USP42: variants seen among roughly 807,000 people sequenced by gnomAD.
The protein encoded by USP42 is ubiquitin specific peptidase 42, also known as ubiquitin carboxyl-terminal hydrolase 42.
USP42 carries 23 observed loss-of-function variants against 113.0 expected under a neutral mutation model. That is an observed-to-expected ratio of 0.20 (90% CI 0.15 to 0.29). The LOEUF is 0.29. USP42 is among the 10% of genes least tolerant of loss of function. The pLI, the probability that USP42 is intolerant of heterozygous loss-of-function variation, is 1.00. For missense variants in USP42, 2,174 were observed against 1,779.8 expected (o/e 1.22, Z -3.99); for synonymous variants, 933 against 699.0 (o/e 1.33, Z -5.28).
intron 12 of USP42, among the ~76,000 whole-genome samples, chr7:6,148,473 A>G (rs947906776): frequency 7.2e-5 from 11 of 152,338 alleles, no homozygotes; most frequent in African/African-American, 2.4e-4. Context: ...TCAAAGGGTT[A>G]AACACTTGGA....
At chr7:6,105,989 A>T (rs1779258108) in intron 1 of USP42, among the ~76,000 whole-genome samples, 1 of 152,214 alleles carries the variant, frequency 6.6e-6, no homozygotes, top group African/African-American at 2.4e-5. Flanking sequence ...GTAACCACAG[A>T]ATCCTAGGTT....
the USP42 span, among the ~76,000 whole-genome samples, chr7:6,089,917 C>G: frequency 3.4e-4 from 51 of 151,058 alleles, 4 homozygotes; most frequent in African/African-American, 1.2e-3. Flanking sequence ...GCCAATGTGG[C>G]TTGAACCCGG....
rs527496472 is a variant in USP42, at chr7:6,139,299, A to G, written c.656+105A>G. 4.5e-6 allele frequency: 4 copies of G among 888,808 alleles called. No homozygotes were observed. The East Asian group carries it at 8.4e-5, about 19-fold the overall frequency. 55.1% of individuals were successfully genotyped at this position (888,808 alleles called of 1,614,324 possible). On this transcript the variant is annotated intron_variant, in intron 5 of 17. Transcript: ENST00000306177. The surrounding 1 kb of genome is among the most constrained non-coding windows in gnomAD (Gnocchi z 4.5). ...CTTTTTTGTTGGAAGCACACAGAACAGTGTTCACTTTACCTTTTGGCTTTG... is the reference window on the plus strand; with the variant it reads ...CTTTTTTGTTGGAAGCACACAGAACGGTGTTCACTTTACCTTTTGGCTTTG...
chr7:6,155,051 G>T lies in USP42; in HGVS notation c.3497G>T (p.Ser1166Ile). The change falls in exon 15 of 18, where the codon AGT (serine) becomes ATT (isoleucine). Residue 1166 changes from serine (S) to isoleucine (I), a missense_variant. Transcript: ENST00000306177. ...AAGTCCCGGAAACGGAGACACGACA[G>T]TGTGGAGAACAGTGACAGTCATGTT... ...NGKSRKRRHD[S>I]VENSDSHVEK... 9.0e-6 allele frequency: 14 copies of T among 1,563,480 alleles called. No homozygotes were observed. The highest frequency in any genetic ancestry group is 1.0e-5 in the Non-Finnish European group (12 of 1,153,874).
At chr7:6,092,579 G>C in the USP42 span, among the ~76,000 whole-genome samples, 1 of 151,392 alleles carries the variant, frequency 6.6e-6, no homozygotes, top group African/African-American at 2.5e-5. Flanking sequence ...TTCCTCATTT[G>C]AGGCATCATG....
chr7:6,120,705 T>A (rs577825081), intron 3 of USP42, among the ~76,000 whole-genome samples: 1 of 152,144 alleles, frequency 6.6e-6, no homozygotes, highest in South Asian at 2.1e-4. Flanking sequence ...TGCTTCAGCC[T>A]CATGGGTAGC....
Position 6,110,478 on chromosome 7 carries a change from C to G in USP42, c.-9-647C>G, listed in dbSNP as rs542755599. 4.6e-5 allele frequency among the ~76,000 whole-genome samples: 7 copies of G among 152,212 alleles called. No individual in the cohort carries two copies. In the East Asian group the frequency reaches 5.8e-4, roughly 13 times the overall value. ...AAATTATAATCAAGTCCTTTCATAA[C>G]AGATATTTGTGTTTGAGTTTGATAT... On this transcript the variant is annotated intron_variant, in intron 1 of 17. Coordinates refer to ENST00000306177, the MANE Select transcript of USP42 (RefSeq NM_032172.3).
In USP42 at chr7:6,154,841, A is replaced by G. The variant is rs1300754089; in HGVS notation, c.3287A>G (p.His1096Arg). Reference protein sequence around the residue: ...AGLHERPHKDHNRGRRGCEPA... With the variant: ...AGLHERPHKDRNRGRRGCEPA... ...CTGCACGAGCGGCCGCACAAGGACC[A>G]CAACCGGGGCCGTAGGGGCTGCGAG... The change falls in exon 15 of 18, where the codon CAC (histidine) becomes CGC (arginine). Residue 1096 changes from histidine (H) to arginine (R), a missense_variant. By Grantham distance (29) the His-to-Arg change is conservative. Transcript: ENST00000306177. 2 of 1,539,636 alleles carry G rather than the reference A, an allele frequency of 1.3e-6. No individual in the cohort carries two copies. The highest frequency in any genetic ancestry group is 2.5e-5 in the East Asian group (1 of 40,178).
rs761512501 is a variant in USP42, at chr7:6,115,261, C to A, written c.242-62C>A. The stretch of plus-strand genomic sequence containing the variant: ...AAGATTGAGGTTTGACCAGGTGTTA[C>A]TATTTATTTAGCTTCAGTATGCAAA... On this transcript the variant is annotated intron_variant, in intron 2 of 17. Coordinates refer to ENST00000306177, the MANE Select transcript of USP42 (RefSeq NM_032172.3). 23 of 1,527,374 alleles carry A rather than the reference C, an allele frequency of 1.5e-5. No individual in the cohort carries two copies. The South Asian group carries it at 2.2e-4, about 15-fold the overall frequency. 94.6% of individuals were successfully genotyped at this position (1,527,374 alleles called of 1,614,324 possible).
chr7:6,145,434 G>A (rs966898038), intron 9 of USP42, 82 bp from the exon 10 acceptor site: 1 of 1,553,544 alleles, frequency 6.4e-7, no homozygotes, highest in African/African-American at 1.4e-5. Flanking sequence ...CCCCTCCTAG[G>A]AAGCTCTAAG....
upstream of USP42, among the ~76,000 whole-genome samples, chr7:6,100,549 C>T (rs912379910): frequency 1.3e-5 from 2 of 149,870 alleles, no homozygotes; most frequent in African/African-American, 2.5e-5. Context: ...AGGCTTGTCT[C>T]GAACTCCTGA....
chr7:6,100,489 C>T (rs888788856), upstream of USP42, among the ~76,000 whole-genome samples: 2 of 149,994 alleles, frequency 1.3e-5, no homozygotes, highest in African/African-American at 5.0e-5. Flanking sequence ...GCAACCATGC[C>T]CGGCTAATTT....
At chr7:6,143,145 C>T in intron 8 of USP42, 131 bp downstream of exon 8, 1 of 850,774 alleles carries the variant, frequency 1.2e-6, no homozygotes. Context: ...ACACTGCGTC[C>T]CTGTCGTCCA....
Position 6,111,381 on chromosome 7 carries a change from T to C in USP42, c.241+7T>C. The C allele has an allele frequency of 6.2e-7, 1 of 1,606,442 alleles. No homozygotes were observed. Among genetic ancestry groups the C allele is most frequent in the South Asian group, 1.1e-5 (1 of 90,502 alleles). The stretch of plus-strand genomic sequence containing the variant: ...TCACCACAAAAGGATCAAGGTACTG[T>C]TTTTCAAAAGAGAGAATTACCGCCA... On this transcript the variant is annotated splice_region_variant and intron_variant, in intron 2 of 17. Transcript: ENST00000306177.
At chr7:6,142,797 T>C in intron 7 of USP42, 135 bp from the exon 8 acceptor site, 1 of 713,822 alleles carries the variant, frequency 1.4e-6, no homozygotes, top group Non-Finnish European at 2.4e-6. Context: ...GGTGAGAGGA[T>C]TGCTTGAGCC....
In USP42 at chr7:6,111,402, C is replaced by T. The variant is rs749580241; in HGVS notation, c.241+28C>T. On this transcript the variant is annotated intron_variant, in intron 2 of 17. Transcript: ENST00000306177. ...ACTGTTTTTCAAAAGAGAGAATTAC[C>T]GCCAGAAACTCCTGTGTAAATGCTG... 26 of 1,601,914 alleles carry T rather than the reference C, an allele frequency of 1.6e-5. 1 individual carries two copies. Among genetic ancestry groups the T allele is most frequent in the African/African-American group, 2.7e-5 (2 of 74,624 alleles).
intron 3 of USP42, among the ~76,000 whole-genome samples, chr7:6,132,164 G>T (rs940113434): frequency 2.0e-5 from 3 of 152,036 alleles, no homozygotes; most frequent in Non-Finnish European, 2.9e-5. Flanking sequence ...AGGCTCAAGC[G>T]ATCCACCCGC....
Position 6,110,932 on chromosome 7 carries a change from G to C in USP42, c.-9-193G>C, listed in dbSNP as rs183697137. Among the ~76,000 whole-genome samples, 167 of 152,286 alleles carry C rather than the reference G, an allele frequency of 1.1e-3. 1 individual carries two copies. Among genetic ancestry groups the C allele is most frequent in the African/African-American group, 3.9e-3 (161 of 41,564 alleles). ...TTAAAATAAAGATTGTTGACATTCA[G>C]ATTATCATGATGCTAAATGTCCCAA... On this transcript the variant is annotated intron_variant, in intron 1 of 17. Coordinates refer to ENST00000306177, the MANE Select transcript of USP42 (RefSeq NM_032172.3).
upstream of USP42, among the ~76,000 whole-genome samples, chr7:6,100,004 C>CTATTATTATTAT (rs1554332997): frequency 1.4e-3 from 208 of 144,324 alleles, 8 homozygotes; most frequent in East Asian, 0.016. Context: ...TTTCACAAGT[C>CTATTATTATTAT]TATTATTATT....
Sources: allele counts gnomAD v4.1 joint callset (sites outside exome capture counted in the v4.1 genomes callset), GRCh38; gene constraint gnomAD v4.1.1; non-coding constraint Gnocchi (gnomAD v3.1); transcripts MANE v1.5; gene names NCBI Gene and HGNC (gene_info 2026-07-23, HGNC 2026-07-21).